The following PXDNL variants were observed in gnomAD, a reference collection of about 807,000 sequenced individuals.
PXDNL encodes probable oxidoreductase PXDNL.
A neutral mutation model predicts 150.8 loss-of-function variants in PXDNL; 145 were observed. The observed-to-expected ratio is 0.96, with a 90% CI of 0.84 to 1.10. PXDNL has a LOEUF of 1.10. Ranked by LOEUF, PXDNL falls within the 50% of genes least tolerant of loss-of-function variation. PXDNL has a pLI of 0.00. For missense variants in PXDNL, 2,087 were observed against 1,873.9 expected (o/e 1.11, Z -2.10); for synonymous variants, 757 against 725.7 (o/e 1.04, Z -0.69).
Position 51,339,605 on chromosome 8 carries a change from AT to A in PXDNL, c.4146+18del. ...CCAACGCATACAATAAGGACATGTT[AT>A]TTGAAGAGAAAACAAACCTGCTCTC... On this transcript the variant is annotated intron_variant, in intron 21 of 22. Transcript: ENST00000356297. 1 of 1,609,892 alleles carries A rather than the reference AT, an allele frequency of 6.2e-7. No individual in the cohort carries two copies. Among genetic ancestry groups the A allele is most frequent in the East Asian group, 2.2e-5 (1 of 44,816 alleles).
chr8:51,329,960 T>A (rs1446094562), intron 21 of PXDNL, among the ~76,000 whole-genome samples: 1 of 152,134 alleles, frequency 6.6e-6, no homozygotes, highest in East Asian at 1.9e-4. Flanking sequence ...GGACAAATGG[T>A]ATAGATTAGT....
intron 2 of PXDNL, among the ~76,000 whole-genome samples, chr8:51,624,720 A>G (rs1307132635): frequency 1.3e-5 from 2 of 149,860 alleles, no homozygotes; most frequent in Non-Finnish European, 3.0e-5. Flanking sequence ...GACTGGAGTC[A>G]ACATCATTAA....
chr8:51,323,385 T>C (rs372893436), intron 21 of PXDNL, among the ~76,000 whole-genome samples: 3 of 152,260 alleles, frequency 2.0e-5, no homozygotes, highest in East Asian at 3.9e-4. Context: ...GCTTAAGTGA[T>C]CATCCCTCCT....
At chr8:51,385,481 T>A (rs968831142) in intron 17 of PXDNL, among the ~76,000 whole-genome samples, 6 of 152,326 alleles carry the variant, frequency 3.9e-5, no homozygotes, top group Admixed American at 3.9e-4. Flanking sequence ...AATTAAAGAT[T>A]AACTTTCCAT....
chr8:51,474,943 A>G (rs1157867207), intron 7 of PXDNL, 29 bp downstream of exon 7: 1 of 1,533,814 alleles, frequency 6.5e-7, no homozygotes, highest in Non-Finnish European at 8.9e-7. Context: ...AGACAGTTCT[A>G]TCTTATGTAC....
At position 51,649,612 on chromosome 8, in the gene PXDNL, A is replaced by G. The variant is rs565051344; in HGVS notation, c.236+5077T>C. ...TTTACAATAAAGAGAAAATCCCCTT[A>G]TAATTTTTAATTTTATATTTCTAGT... On this transcript the variant is annotated intron_variant, in intron 2 of 22. Transcript: ENST00000356297. Among the ~76,000 whole-genome samples the G allele has an allele frequency of 5.9e-5, 9 of 152,300 alleles. No individual in the cohort carries two copies. The East Asian group carries it at 1.7e-3, about 29-fold the overall frequency.
chr8:51,702,774 T>C (rs1283239746), intron 1 of PXDNL, among the ~76,000 whole-genome samples: 1 of 152,180 alleles, frequency 6.6e-6, no homozygotes, highest in Non-Finnish European at 1.5e-5. Context: ...AGCATCAGAA[T>C]TTGGTCTAAG....
chr8:51,355,712 G>C lies in PXDNL; in HGVS notation c.3902-9765C>G, dbSNP rs772893527. Among the ~76,000 whole-genome samples the C allele has an allele frequency of 6.9e-4, 105 of 152,188 alleles. 2 individuals carry two copies. The highest frequency in any genetic ancestry group is 3.1e-4 in the Non-Finnish European group (21 of 68,026). Reference sequence around the variant, plus strand: ...TATGACACAAACAAATGTGTCAATTGTAGAGTTTGCTGAAATTAGTAGATT... The same window carrying C: ...TATGACACAAACAAATGTGTCAATTCTAGAGTTTGCTGAAATTAGTAGATT... On this transcript the variant is annotated intron_variant, in intron 19 of 22. Coordinates refer to ENST00000356297, the MANE Select transcript of PXDNL (RefSeq NM_144651.5).
intron 4 of PXDNL, among the ~76,000 whole-genome samples, chr8:51,547,413 C>T (rs1812385066): frequency 6.6e-6 from 1 of 152,128 alleles, no homozygotes; most frequent in African/African-American, 2.4e-5. Flanking sequence ...AATAAAACTC[C>T]AACAATGGAC....
In PXDNL at chr8:51,319,792, T is replaced by A; in HGVS notation, c.*99A>T. ...AACTAAGTTGCTTAAGTCAGTGGTT[T>A]CCATATCAACAATGTGACTACAAGT... On this transcript the variant is annotated 3_prime_UTR_variant, in exon 23 of 23. Transcript: ENST00000356297. The A allele has an allele frequency of 8.8e-7, 1 of 1,130,108 alleles. No individual in the cohort carries two copies. 70.0% of individuals were successfully genotyped at this position (1,130,108 alleles called of 1,614,324 possible). A position where few individuals can be genotyped will look rare whatever the true frequency, so the allele number is the denominator to read the frequency against.
intron 6 of PXDNL, among the ~76,000 whole-genome samples, chr8:51,475,825 A>G (rs1810461790): frequency 6.6e-6 from 1 of 151,376 alleles, no homozygotes; most frequent in South Asian, 2.1e-4. Flanking sequence ...TGTCATTTTT[A>G]TAACTATGAG....
chr8:51,401,925 G>A (rs1808259796), intron 17 of PXDNL, among the ~76,000 whole-genome samples: 1 of 152,150 alleles, frequency 6.6e-6, no homozygotes, highest in African/African-American at 2.4e-5. Flanking sequence ...GTCTTTAAAG[G>A]CTGACATGAA....
chr8:51,665,422 A>G (rs1322345784), intron 1 of PXDNL, among the ~76,000 whole-genome samples: 1 of 152,112 alleles, frequency 6.6e-6, no homozygotes, highest in African/African-American at 2.4e-5. Flanking sequence ...TCATGACATG[A>G]CCAATATCAA....
Position 51,475,059 on chromosome 8 carries a change from G to A in PXDNL, c.607C>T (p.His203Tyr), listed in dbSNP as rs201500226. 236 of 1,613,738 alleles carry A rather than the reference G, an allele frequency of 1.5e-4. 2 individuals are homozygous for A. In the African/African-American group the frequency reaches 2.5e-3, roughly 17 times the overall value. Residue 203 changes from histidine (H) to tyrosine (Y), a missense_variant, in exon 7 of 23, where the codon CAC becomes TAC. Physicochemically the swap from His to Tyr is moderately conservative, Grantham distance 83. Coordinates refer to ENST00000356297, the MANE Select transcript of PXDNL (RefSeq NM_144651.5). ...TCGCAGGTAGCCGCAGCCTGGGTGTGGCCGTGTTGGGCAAAGCCTTGTAAA... is the reference window on the plus strand; with the variant it reads ...TCGCAGGTAGCCGCAGCCTGGGTGTAGCCGTGTTGGGCAAAGCCTTGTAAA... The part of the protein sequence containing the change: ...ELLQGFAQHG[H>Y]TQAAATCEYP...
intron 14 of PXDNL, among the ~76,000 whole-genome samples, chr8:51,423,029 T>C (rs190549655): frequency 6.6e-6 from 1 of 152,376 alleles, no homozygotes; most frequent in African/African-American, 2.4e-5. Flanking sequence ...TTATATATAA[T>C]CAACCTGCAG....
chr8:51,394,014 T>C (rs540680322), intron 17 of PXDNL, among the ~76,000 whole-genome samples: 31 of 152,318 alleles, frequency 2.0e-4, no homozygotes, highest in African/African-American at 7.2e-4. Context: ...TGGAATCATA[T>C]AGATTCAGAT....
At chr8:51,557,512 A>G (rs891588000) in intron 3 of PXDNL, among the ~76,000 whole-genome samples, 7 of 152,184 alleles carry the variant, frequency 4.6e-5, no homozygotes, top group Non-Finnish European at 8.8e-5. Context: ...ACCATAGGTT[A>G]GTAAGGTGAT....
intron 1 of PXDNL, among the ~76,000 whole-genome samples, chr8:51,746,090 T>C (rs1172785726): frequency 6.6e-6 from 1 of 151,344 alleles, no homozygotes; most frequent in Non-Finnish European, 1.5e-5. Flanking sequence ...CACAATTCCA[T>C]AGATCTTTAG....
rs896569490 is a variant in PXDNL at position 51,766,125 on chromosome 8, G to A, written c.164+43056C>T. Reference sequence around the variant, plus strand: ...GCTGGGATGACAGGCGTGAGCCACCGAGCTGTTTATTCTTTTACTATATTT... The same window carrying A: ...GCTGGGATGACAGGCGTGAGCCACCAAGCTGTTTATTCTTTTACTATATTT... On this transcript the variant is annotated intron_variant, in intron 1 of 22. Transcript: ENST00000356297. Among the ~76,000 whole-genome samples, 9 of 152,212 alleles carry A rather than the reference G, an allele frequency of 5.9e-5. No individual in the cohort carries two copies. The South Asian group carries it at 6.2e-4, about 11-fold the overall frequency.
Sources: gnomAD v4.1 joint callset for allele counts (sites outside exome capture counted in the v4.1 genomes callset) on GRCh38, gnomAD v4.1.1 for gene constraint, MANE v1.5 for transcripts, NCBI Gene and HGNC (gene_info 2026-07-23, HGNC 2026-07-21) for gene names.